Variants in PDE1C observed in about 807,000 individuals in gnomAD.
PDE1C encodes the protein dual specificity calcium/calmodulin-dependent 3',5'-cyclic nucleotide phosphodiesterase 1C.
Under a neutral mutation model 93.1 loss-of-function variants are expected in PDE1C, and 62 were observed. The ratio of observed to expected loss-of-function variants is 0.67; its 90% confidence interval spans 0.54 to 0.82. The LOEUF is 0.82. Among genes scored for constraint, PDE1C ranks in the 40% least tolerant of loss-of-function variants. The probability of loss-of-function intolerance (pLI) is 0.00; values close to 1 mark genes in which losing one functional copy is unlikely to be tolerated. For synonymous variants in PDE1C, 325 were observed against 310.1 expected (o/e 1.05, Z -0.50); for missense variants, 742 against 884.6 (o/e 0.84, Z 2.04).
intron 9 of PDE1C, among the ~76,000 whole-genome samples, chr7:31,841,211 C>CTCTCTCTG (rs1791826975): frequency 1.0e-5 from 1 of 97,192 alleles, no homozygotes; most frequent in South Asian, 3.3e-4. Flanking sequence ...CTCTCTCTGT[C>CTCTCTCTG]TCTCTCTCTC....
intron 1 of PDE1C, among the ~76,000 whole-genome samples, chr7:32,294,116 A>C (rs561854241): frequency 4.6e-5 from 7 of 151,332 alleles, no homozygotes; most frequent in South Asian, 2.1e-4. Flanking sequence ...CCAGGAGCAA[A>C]CCTCCTCCCT....
chr7:31,861,338 C>T (rs560386123), intron 7 of PDE1C, among the ~76,000 whole-genome samples: 3 of 152,226 alleles, frequency 2.0e-5, no homozygotes, highest in Admixed American at 1.3e-4. Context: ...CCCCTTCTAA[C>T]TATCTATTCA....
At chr7:31,730,916 C>CA in the PDE1C span, among the ~76,000 whole-genome samples, 7 of 151,794 alleles carry the variant, frequency 4.6e-5, no homozygotes, top group Non-Finnish European at 7.4e-5. Context: ...AAGGAAGCAA[C>CA]AAAAAATGGA....
At chr7:31,723,683 T>C in the PDE1C span, among the ~76,000 whole-genome samples, 13 of 152,306 alleles carry the variant, frequency 8.5e-5, no homozygotes, top group African/African-American at 3.1e-4. Context: ...TTCCCCACCA[T>C]GCCAGTGGAT....
chr7:32,126,616 T>C (rs1238737499), intron 3 of PDE1C, among the ~76,000 whole-genome samples: 2 of 152,124 alleles, frequency 1.3e-5, no homozygotes, highest in Non-Finnish European at 2.9e-5. Context: ...TCTGTGACAA[T>C]AATCTAAAGA....
In PDE1C at chr7:31,859,574, T is replaced by C. The variant is rs1004743089; in HGVS notation, c.750+5368A>G. Among the ~76,000 whole-genome samples the C allele has an allele frequency of 3.3e-5, 5 of 152,014 alleles. No homozygotes were observed. The East Asian group carries it at 7.7e-4, about 23-fold the overall frequency. On this transcript the variant is annotated intron_variant, in intron 7 of 17. Coordinates refer to ENST00000396191, the MANE Select transcript of PDE1C (RefSeq NM_001191057.4). Reference sequence around the variant, plus strand: ...TCACTTTACCTAAGTAATGGTCTCATAGAGAAGTAATTTTACAAATAACAT... The same window carrying C: ...TCACTTTACCTAAGTAATGGTCTCACAGAGAAGTAATTTTACAAATAACAT...
intron 1 of PDE1C, among the ~76,000 whole-genome samples, chr7:32,307,815 C>T (rs764270924): frequency 4.6e-5 from 7 of 152,182 alleles, no homozygotes; most frequent in Admixed American, 6.5e-5. Context: ...ACACAGAAGA[C>T]GGGTGATTTC....
intron 1 of PDE1C, among the ~76,000 whole-genome samples, chr7:32,358,506 C>G (rs868544325): frequency 6.6e-6 from 1 of 152,180 alleles, no homozygotes; most frequent in Non-Finnish European, 1.5e-5. Context: ...ATAAAGAACT[C>G]TGCTGAGCTC....
intron 1 of PDE1C, among the ~76,000 whole-genome samples, chr7:32,346,089 G>T (rs1783848087): frequency 6.6e-6 from 1 of 152,160 alleles, no homozygotes; most frequent in Non-Finnish European, 1.5e-5. Context: ...CCATTATTTG[G>T]TAAATGGATA....
At chr7:32,186,069 T>C (rs1803828223) in intron 2 of PDE1C, among the ~76,000 whole-genome samples, 1 of 150,092 alleles carries the variant, frequency 6.7e-6, no homozygotes, top group South Asian at 2.1e-4. Flanking sequence ...TCCACTTTTT[T>C]CCCTAATTTG....
At chr7:31,875,831 A>ATATATATATATATTTATG in intron 5 of PDE1C, among the ~76,000 whole-genome samples, 1 of 90,122 alleles carries the variant, frequency 1.1e-5, no homozygotes, top group East Asian at 4.3e-4. Flanking sequence ...ATATATATAT[A>ATATATATATATATTTATG]TATAATGGAA....
At chr7:31,699,371 C>T in the PDE1C span, among the ~76,000 whole-genome samples, 2 of 152,142 alleles carry the variant, frequency 1.3e-5, no homozygotes, top group African/African-American at 4.8e-5. Flanking sequence ...CACGGTCTCC[C>T]GTGAAAGGGC....
chr7:32,197,464 T>C (rs1804700211), intron 2 of PDE1C, among the ~76,000 whole-genome samples: 1 of 152,064 alleles, frequency 6.6e-6, no homozygotes, highest in Non-Finnish European at 1.5e-5. Context: ...GCAAGCTAAA[T>C]AAAAACACAT....
intron 1 of PDE1C, among the ~76,000 whole-genome samples, chr7:32,278,954 T>C (rs1273038402): frequency 1.3e-5 from 2 of 152,232 alleles, no homozygotes; most frequent in Admixed American, 1.3e-4. Context: ...AGAAATGTTC[T>C]AAAATTAGAT....
intron 9 of PDE1C, among the ~76,000 whole-genome samples, chr7:31,841,885 C>G (rs1286293276): frequency 6.6e-6 from 1 of 152,096 alleles, no homozygotes; most frequent in African/African-American, 2.4e-5. Context: ...GCTGACAGCT[C>G]AAGACCCAGG....
chr7:31,709,879 A>G, the PDE1C span, among the ~76,000 whole-genome samples: 1 of 152,254 alleles, frequency 6.6e-6, no homozygotes, highest in Non-Finnish European at 1.5e-5. Context: ...ACCCAGGTGC[A>G]GTGGCTCATG....
At chr7:32,040,350 C>A (rs1791650605) in intron 2 of PDE1C, among the ~76,000 whole-genome samples, 1 of 152,114 alleles carries the variant, frequency 6.6e-6, no homozygotes, top group Admixed American at 6.5e-5. Flanking sequence ...TTTGGATAAT[C>A]CTTTGTTGTG....
intron 3 of PDE1C, among the ~76,000 whole-genome samples, chr7:32,112,824 GTGTGTGTGTGTGTGTGTGTGTGTA>G (rs1378865788): frequency 0.011 from 906 of 81,272 alleles, 9 homozygotes; most frequent in Middle Eastern, 0.023. Flanking sequence ...GTGTGTGTGT[GTGTGTGTGTGTGTGTGTGTGTGTA>G]TATATATATA....
At position 32,005,079 on chromosome 7, in the gene PDE1C, T is replaced by G. The variant is rs79606673; in HGVS notation, c.128+46475A>C. On this transcript the variant is annotated intron_variant, in intron 2 of 17. Transcript: ENST00000396191. The stretch of plus-strand genomic sequence containing the variant: ...CAACCTAGCACCGTCACCAATGTTT[T>G]ACTGATCCATAGCACTTTATTGGTT... 9.4e-3 allele frequency among the ~76,000 whole-genome samples: 1,438 copies of G among 152,292 alleles called. 28 individuals carry two copies. The highest frequency in any genetic ancestry group is 0.033 in the African/African-American group (1,372 of 41,554).
Sources: gnomAD v4.1 joint callset for allele counts (sites outside exome capture counted in the v4.1 genomes callset) on GRCh38, gnomAD v4.1.1 for gene constraint, MANE v1.5 for transcripts, NCBI Gene and HGNC (gene_info 2026-07-23, HGNC 2026-07-21) for gene names.